PIGU: variants seen among roughly 807,000 people sequenced by gnomAD.
PIGU encodes GPI-anchor transamidase component PIGU.
PIGU carries 24 observed loss-of-function variants against 49.9 expected under a neutral mutation model. The observed-to-expected ratio is 0.48, with a 90% CI of 0.35 to 0.68. PIGU has a LOEUF of 0.68. Ranked by LOEUF, PIGU falls within the 30% of genes least tolerant of loss-of-function variation. PIGU has a pLI of 0.01. For synonymous variants in PIGU, 220 were observed against 205.7 expected (o/e 1.07, Z -0.59); for missense variants, 490 against 532.6 (o/e 0.92, Z 0.79).
chr20:34,593,547 AG>A, intron 7 of PIGU, among the ~76,000 whole-genome samples: 1 of 152,332 alleles, frequency 6.6e-6, no homozygotes, highest in African/African-American at 2.4e-5. Context: ...AGAATAAAAC[AG>A]AAAGTCCAGC....
chr20:34,594,707 G>A (rs1027135312), intron 7 of PIGU, among the ~76,000 whole-genome samples: 20 of 152,274 alleles, frequency 1.3e-4, no homozygotes, highest in African/African-American at 4.8e-4. Flanking sequence ...CCGAGAGGTG[G>A]AGGTTGCAGT....
intron 1 of PIGU, among the ~76,000 whole-genome samples, chr20:34,658,986 G>A (rs376614911): frequency 5.4e-4 from 80 of 148,760 alleles, no homozygotes; most frequent in African/African-American, 1.7e-3. Flanking sequence ...CGCCCCGTCC[G>A]GGAGGTGAGG....
intron 10 of PIGU, among the ~76,000 whole-genome samples, chr20:34,580,918 A>C (rs1273235429): frequency 6.6e-6 from 1 of 152,126 alleles, no homozygotes; most frequent in African/African-American, 2.4e-5. Flanking sequence ...GGGAAGTCTA[A>C]CTTTGCCCCT....
At chr20:34,630,374 C>T (rs1476735164) in intron 6 of PIGU, among the ~76,000 whole-genome samples, 3 of 152,266 alleles carry the variant, frequency 2.0e-5, no homozygotes, top group Admixed American at 6.5e-5. Context: ...TTCCTGCTCT[C>T]ACAACTCCAG....
intron 8 of PIGU, among the ~76,000 whole-genome samples, chr20:34,587,496 G>A (rs1394579799): frequency 6.6e-6 from 1 of 152,020 alleles, no homozygotes; most frequent in Admixed American, 6.6e-5. Context: ...GTTTGTGGTG[G>A]GAACGATTGA....
chr20:34,609,699 T>G (rs1984743507), intron 7 of PIGU, among the ~76,000 whole-genome samples: 1 of 152,164 alleles, frequency 6.6e-6, no homozygotes, highest in Non-Finnish European at 1.5e-5. Flanking sequence ...TTTTGTTTCC[T>G]GGATGTGACT....
intron 6 of PIGU, among the ~76,000 whole-genome samples, chr20:34,617,157 C>T (rs1183869370): frequency 2.0e-5 from 3 of 152,210 alleles, no homozygotes; most frequent in Non-Finnish European, 2.9e-5. Flanking sequence ...AATGCGGAAG[C>T]GAAATGTGGG....
Position 34,655,498 on chromosome 20 carries a change from C to T in PIGU, c.195+1682G>A, listed in dbSNP as rs952936495. Among the ~76,000 whole-genome samples, 2 of 119,612 alleles carry T rather than the reference C, an allele frequency of 1.7e-5. 1 individual carries two copies. The highest frequency in any genetic ancestry group is 3.6e-5 in the Non-Finnish European group (2 of 56,198). 78.5% of individuals were successfully genotyped at this position (119,612 alleles called of 152,430 possible). On this transcript the variant is annotated intron_variant, in intron 2 of 11. Coordinates refer to ENST00000217446, the MANE Select transcript of PIGU (RefSeq NM_080476.5). ...CATCCTGGCTAATATGATGAAACCC[C>T]GTCTCTACTAAAAACACAAAAAAAA...
intron 11 of PIGU, among the ~76,000 whole-genome samples, chr20:34,567,271 C>A (rs1982812511): frequency 1.3e-5 from 2 of 152,202 alleles, no homozygotes; most frequent in Admixed American, 1.3e-4. Context: ...CAGGCCGGAG[C>A]GGACATTATG....
intron 1 of PIGU, among the ~76,000 whole-genome samples, chr20:34,664,987 G>GA (rs1202672129): frequency 7.4e-5 from 11 of 149,634 alleles, no homozygotes; most frequent in African/African-American, 2.0e-4. Flanking sequence ...CTCAAAAAAA[G>GA]AAAAAAAAAG....
chr20:34,635,836 T>C (rs879352886), intron 5 of PIGU, among the ~76,000 whole-genome samples: 43 of 151,164 alleles, frequency 2.8e-4, no homozygotes, highest in Non-Finnish European at 5.5e-4. Flanking sequence ...GATGACGCCA[T>C]TGCACTCCAG....
chr20:34,589,134 CACACACACACACACAT>C (rs966912814), intron 7 of PIGU, among the ~76,000 whole-genome samples: 8 of 145,312 alleles, frequency 5.5e-5, no homozygotes, highest in African/African-American at 2.0e-4. Flanking sequence ...CACACACACA[CACACACACACACACAT>C]CTGTAAGTTT....
intron 1 of PIGU, among the ~76,000 whole-genome samples, chr20:34,667,157 C>T (rs1222599454): frequency 6.6e-6 from 1 of 152,102 alleles, no homozygotes; most frequent in East Asian, 1.9e-4. Context: ...TTCTTAGTTA[C>T]CTTGGTATAC....
At chr20:34,669,198 T>G (rs1319807305) in intron 1 of PIGU, among the ~76,000 whole-genome samples, 1 of 152,068 alleles carries the variant, frequency 6.6e-6, no homozygotes, top group Non-Finnish European at 1.5e-5. Flanking sequence ...AATGGTAAAA[T>G]CTTAACAACT....
At chr20:34,639,803 C>A (rs373470627) in intron 4 of PIGU, among the ~76,000 whole-genome samples, 7 of 152,086 alleles carry the variant, frequency 4.6e-5, no homozygotes, top group Non-Finnish European at 8.8e-5. Flanking sequence ...CCAAGTTAAG[C>A]GGTGGGAATT....
intron 4 of PIGU, among the ~76,000 whole-genome samples, chr20:34,642,865 C>T (rs867244189): frequency 4.4e-4 from 64 of 146,474 alleles, no homozygotes; most frequent in African/African-American, 1.6e-3. Flanking sequence ...TCAATTGATT[C>T]TTATGCCTCA....
intron 1 of PIGU, among the ~76,000 whole-genome samples, chr20:34,664,424 C>A (rs1344237515): frequency 6.6e-6 from 1 of 152,232 alleles, no homozygotes; most frequent in African/African-American, 2.4e-5. Context: ...GTTGACCGGG[C>A]ACAGTGGCTC....
intron 1 of PIGU, among the ~76,000 whole-genome samples, chr20:34,660,822 G>A (rs2146788647): frequency 6.6e-6 from 1 of 152,306 alleles, no homozygotes; most frequent in African/African-American, 2.4e-5. Flanking sequence ...GGAATCACAG[G>A]TTGGATATTG....
intron 1 of PIGU, among the ~76,000 whole-genome samples, chr20:34,658,214 C>G (rs1224738431): frequency 6.6e-6 from 1 of 152,240 alleles, no homozygotes; most frequent in Non-Finnish European, 1.5e-5. Flanking sequence ...GGGCCGGTCT[C>G]CAGCTCCTAA....
Sources: gnomAD v4.1 joint callset for allele counts (sites outside exome capture counted in the v4.1 genomes callset) on GRCh38, gnomAD v4.1.1 for gene constraint, MANE v1.5 for transcripts, NCBI Gene and HGNC (gene_info 2026-07-23, HGNC 2026-07-21) for gene names.